Variants in ZNF618 observed in about 807,000 individuals in gnomAD.
ZNF618 encodes the protein zinc finger protein 618.
Under a neutral mutation model 103.0 loss-of-function variants are expected in ZNF618, and 34 were observed. That is an observed-to-expected ratio of 0.33 (90% CI 0.25 to 0.44). The LOEUF (loss-of-function observed/expected upper bound fraction) is 0.44. Ranked by LOEUF, ZNF618 falls within the 20% of genes least tolerant of loss-of-function variation. The pLI, the probability that ZNF618 is intolerant of heterozygous loss-of-function variation, is 1.00. For synonymous variants in ZNF618, 551 were observed against 542.2 expected (o/e 1.02, Z -0.23); for missense variants, 1,059 against 1,295.4 (o/e 0.82, Z 2.80).
At chr9:114,042,383 A>T (rs7848387) in intron 13 of ZNF618, among the ~76,000 whole-genome samples, 1 of 152,214 alleles carries the variant, frequency 6.6e-6, no homozygotes, top group South Asian at 2.1e-4. Flanking sequence ...ATAAAAATAC[A>T]TAACAGTGGC....
chr9:113,977,990 A>G (rs1227095776), intron 2 of ZNF618, among the ~76,000 whole-genome samples: 2 of 152,214 alleles, frequency 1.3e-5, no homozygotes, highest in African/African-American at 4.8e-5. Context: ...AGTGCCTAAG[A>G]ATTATCTCCA....
chr9:113,973,203 T>C (rs1299770525), intron 2 of ZNF618, among the ~76,000 whole-genome samples: 1 of 152,094 alleles, frequency 6.6e-6, no homozygotes, highest in Non-Finnish European at 1.5e-5. Context: ...TAATCCTTCT[T>C]CAGATGGAGA....
At chr9:114,015,852 C>T (rs1283895486) in intron 9 of ZNF618, among the ~76,000 whole-genome samples, 1 of 152,166 alleles carries the variant, frequency 6.6e-6, no homozygotes. Flanking sequence ...AAGATGTCCA[C>T]AAAGTAATGT....
intron 7 of ZNF618, 116 bp downstream of exon 7, chr9:114,007,555 G>T: frequency 1.0e-6 from 1 of 953,916 alleles, no homozygotes; most frequent in Non-Finnish European, 1.6e-6. Flanking sequence ...AGGCCAGGCA[G>T]TAGCTGGAAC....
intron 13 of ZNF618, among the ~76,000 whole-genome samples, chr9:114,037,465 A>G (rs1844723537): frequency 6.6e-6 from 1 of 152,136 alleles, no homozygotes; most frequent in Non-Finnish European, 1.5e-5. Context: ...CTGTCCCGGG[A>G]CAGTTGGCCA....
chr9:113,996,260 G>A (rs1840582537), intron 3 of ZNF618, among the ~76,000 whole-genome samples: 1 of 152,142 alleles, frequency 6.6e-6, no homozygotes, highest in South Asian at 2.1e-4. Context: ...CTGAACATTT[G>A]TTCTCTGAAC....
intron 1 of ZNF618, among the ~76,000 whole-genome samples, chr9:113,915,930 C>CTTA (rs1832028689): frequency 6.6e-6 from 1 of 152,192 alleles, no homozygotes; most frequent in Non-Finnish European, 1.5e-5. Flanking sequence ...ATAGTAGATG[C>CTTA]TTATTAAATA....
At chr9:113,965,015 A>T (rs115442423) in intron 1 of ZNF618, among the ~76,000 whole-genome samples, 1 of 146,170 alleles carries the variant, frequency 6.8e-6, no homozygotes, top group Non-Finnish European at 1.5e-5. Context: ...AAAAAAATGT[A>T]ATCATATAAG....
chr9:113,922,746 C>A (rs960427779), intron 1 of ZNF618, among the ~76,000 whole-genome samples: 15 of 152,248 alleles, frequency 9.9e-5, no homozygotes, highest in Admixed American at 4.6e-4. Context: ...AATCCTCCAA[C>A]TTTATTGTTG....
At position 114,048,820 on chromosome 9, in the gene ZNF618, T is replaced by C. The variant is rs1387890371; in HGVS notation, c.1518T>C (p.Tyr506=). The change falls in exon 15 of 15, where the codon TAT becomes TAC. Residue 506 remains tyrosine, a synonymous_variant. Coordinates refer to ENST00000374126, the MANE Select transcript of ZNF618 (RefSeq NM_001318042.2). ...CCTTAGTAGACAGTGGTGCCCGCTATGGGGCCTTCTCGGTCACTGAAATCC... is the reference window on the plus strand; with the variant it reads ...CCTTAGTAGACAGTGGTGCCCGCTACGGGGCCTTCTCGGTCACTGAAATCC... ...AQTLVDSGAR[Y]GAFSVTEILG... 4 of 1,613,238 alleles carry C rather than the reference T, an allele frequency of 2.5e-6. No homozygotes were observed. The South Asian group carries it at 4.4e-5, about 18-fold the overall frequency.
At position 114,035,253 on chromosome 9, in the gene ZNF618, T is replaced by TA. The variant is rs1345463604; in HGVS notation, c.1169-1047_1169-1046insA. The TA allele has an allele frequency of 4.1e-6, 4 of 985,992 alleles. No homozygotes were observed. The East Asian group carries it at 4.5e-4, about 112-fold the overall frequency. 61.1% of individuals were successfully genotyped at this position (985,992 alleles called of 1,614,324 possible). A position where few individuals can be genotyped will look rare whatever the true frequency, so the allele number is the denominator to read the frequency against. ...CCTACAGAGTAAGTGATGGTCCCGT[T>TA]GGGGGGCTGGAGAGGGCAAGGCAGG... On this transcript the variant is annotated intron_variant, in intron 12 of 14. Coordinates refer to ENST00000374126, the MANE Select transcript of ZNF618 (RefSeq NM_001318042.2).
Position 114,006,826 on chromosome 9 carries a change from G to C in ZNF618, c.551-524G>C, listed in dbSNP as rs571446631. Among the ~76,000 whole-genome samples, 12 of 152,210 alleles carry C rather than the reference G, an allele frequency of 7.9e-5. No homozygotes were observed. In the East Asian group the frequency reaches 2.1e-3, roughly 27 times the overall value. ...GGTTTAACAACCCTGCTAGGGTTCT[G>C]TCCTTCCCACACTCTTAGACTGAAG... On this transcript the variant is annotated intron_variant, in intron 6 of 14. Transcript: ENST00000374126.
chr9:114,037,432 G>T (rs567861558), intron 13 of ZNF618, among the ~76,000 whole-genome samples: 23 of 152,320 alleles, frequency 1.5e-4, no homozygotes, highest in African/African-American at 5.3e-4. Context: ...CTGAACCCAT[G>T]GGTGGAAGCG....
chr9:113,907,962 T>C (rs1831139336), intron 1 of ZNF618, among the ~76,000 whole-genome samples: 1 of 152,114 alleles, frequency 6.6e-6, no homozygotes, highest in Admixed American at 6.5e-5. Flanking sequence ...TCTCAAGAGG[T>C]CAGCATGATT....
intron 2 of ZNF618, among the ~76,000 whole-genome samples, chr9:113,970,479 T>G (rs1564236215): frequency 6.6e-6 from 1 of 152,092 alleles, no homozygotes; most frequent in African/African-American, 2.4e-5. Flanking sequence ...GCAGGCTGTA[T>G]GATCTTTGTG....
intron 1 of ZNF618, among the ~76,000 whole-genome samples, chr9:113,899,461 C>A (rs895580105): frequency 5.3e-5 from 8 of 152,210 alleles, no homozygotes; most frequent in African/African-American, 1.9e-4. Flanking sequence ...TGAGCTCTGC[C>A]TCCTGGCAGA....
At chr9:113,919,249 C>T (rs1264506274) in intron 1 of ZNF618, among the ~76,000 whole-genome samples, 1 of 152,152 alleles carries the variant, frequency 6.6e-6, no homozygotes, top group Non-Finnish European at 1.5e-5. Flanking sequence ...TGAACAGCAG[C>T]CGCGGCAGGG....
chr9:113,909,016 C>T (rs918351480), intron 1 of ZNF618, among the ~76,000 whole-genome samples: 5 of 151,834 alleles, frequency 3.3e-5, no homozygotes, highest in African/African-American at 1.2e-4. Flanking sequence ...ACCCCAAAGC[C>T]GGTGAATCCC....
intron 1 of ZNF618, among the ~76,000 whole-genome samples, chr9:113,959,004 T>C (rs1481921237): frequency 6.6e-6 from 1 of 152,206 alleles, no homozygotes; most frequent in East Asian, 1.9e-4. Flanking sequence ...AAAAAGTGTT[T>C]TAGGCCGGGC....
Sources: gnomAD v4.1 joint callset for allele counts (sites outside exome capture counted in the v4.1 genomes callset) on GRCh38, gnomAD v4.1.1 for gene constraint, MANE v1.5 for transcripts, NCBI Gene and HGNC (gene_info 2026-07-23, HGNC 2026-07-21) for gene names.